The following CEP112 variants were observed in gnomAD, a reference collection of about 807,000 sequenced individuals.
CEP112 encodes the protein centrosomal protein 112.
In CEP112, 127 loss-of-function variants were observed where a neutral mutation model predicts 153.0. The observed-to-expected ratio is 0.83, with a 90% CI of 0.72 to 0.96. The LOEUF (loss-of-function observed/expected upper bound fraction) is 0.96, where lower values mean the gene tolerates loss of function less well. Among genes scored for constraint, CEP112 ranks in the 40% least tolerant of loss-of-function variants. The pLI is 0.00. For missense variants in CEP112, 1,089 were observed against 1,101.2 expected (o/e 0.99, Z 0.16); for synonymous variants, 358 against 374.4 (o/e 0.96, Z 0.51).
At chr17:66,098,968 A>G (rs2068454428) in intron 6 of CEP112, among the ~76,000 whole-genome samples, 1 of 152,192 alleles carries the variant, frequency 6.6e-6, no homozygotes, top group South Asian at 2.1e-4. Context: ...TGACCTGTCA[A>G]AGAAAAGTGG....
At chr17:65,637,274 T>A in intron 25 of CEP112, 86 bp from the exon 26 acceptor site, 1 of 892,928 alleles carries the variant, frequency 1.1e-6, no homozygotes, top group Non-Finnish European at 1.9e-6. Context: ...TTTATTTAAA[T>A]TCAGACAATT....
At chr17:65,910,337 A>G (rs115182143) in intron 19 of CEP112, among the ~76,000 whole-genome samples, 60 of 152,318 alleles carry the variant, frequency 3.9e-4, no homozygotes, top group Non-Finnish European at 6.2e-4. Context: ...TCCATTTAAC[A>G]GATTTGGACA....
At chr17:65,805,133 C>T (rs981430467) in intron 21 of CEP112, among the ~76,000 whole-genome samples, 4 of 152,070 alleles carry the variant, frequency 2.6e-5, no homozygotes, top group African/African-American at 7.2e-5. Context: ...CAGGCAGGAG[C>T]CACCATACCT....
intron 4 of CEP112, among the ~76,000 whole-genome samples, chr17:66,143,515 C>T (rs1350873808): frequency 6.6e-6 from 1 of 152,186 alleles, no homozygotes; most frequent in Non-Finnish European, 1.5e-5. Flanking sequence ...GGGTGTTGTA[C>T]TACAGTATCC....
intron 16 of CEP112, among the ~76,000 whole-genome samples, chr17:66,015,071 G>A (rs891524901): frequency 4.6e-5 from 7 of 152,276 alleles, no homozygotes; most frequent in Middle Eastern, 3.4e-3. Context: ...CACTAATGAT[G>A]CCATAAATAT....
intron 1 of CEP112, among the ~76,000 whole-genome samples, chr17:66,183,619 G>A (rs1365490547): frequency 6.6e-6 from 1 of 152,120 alleles, no homozygotes; most frequent in East Asian, 1.9e-4. Context: ...ATTGGTATTG[G>A]TGAAAGGATA....
intron 10 of CEP112, among the ~76,000 whole-genome samples, chr17:66,065,929 T>TA (rs971887891): frequency 1.6e-4 from 25 of 152,200 alleles, no homozygotes; most frequent in African/African-American, 6.0e-4. Flanking sequence ...GCGCCCGGCC[T>TA]AAAATCTATC....
chr17:65,781,409 G>A (rs2053988709), intron 21 of CEP112, among the ~76,000 whole-genome samples: 1 of 152,016 alleles, frequency 6.6e-6, no homozygotes, highest in Admixed American at 6.6e-5. Context: ...CATTAACATG[G>A]CCATACTGCC....
At chr17:66,027,025 T>C (rs1401337310) in intron 16 of CEP112, among the ~76,000 whole-genome samples, 3 of 152,202 alleles carry the variant, frequency 2.0e-5, no homozygotes, top group Non-Finnish European at 4.4e-5. Flanking sequence ...TTGTTTATTA[T>C]ATAAACAGGA....
chr17:65,638,808 A>G (rs962613610), intron 25 of CEP112, among the ~76,000 whole-genome samples: 1 of 152,176 alleles, frequency 6.6e-6, no homozygotes, highest in Non-Finnish European at 1.5e-5. Context: ...TTTCTGGGTC[A>G]GCATCCAGTT....
chr17:65,856,573 A>G (rs1386112213), intron 20 of CEP112, among the ~76,000 whole-genome samples: 1 of 152,216 alleles, frequency 6.6e-6, no homozygotes, highest in African/African-American at 2.4e-5. Flanking sequence ...ATAAGTCCAT[A>G]ATGTCTTTTT....
At chr17:65,839,149 C>T (rs1359218936) in intron 21 of CEP112, among the ~76,000 whole-genome samples, 2 of 152,006 alleles carry the variant, frequency 1.3e-5, no homozygotes, top group Non-Finnish European at 2.9e-5. Context: ...ACTTACTCTA[C>T]AAGACCAGCA....
rs549700105 is a variant in CEP112, at chr17:65,808,977, T to G, written c.2394+42827A>C. Reference sequence around the variant, plus strand: ...CCTCCTCTTTTTCTCTCTCACCATGTGCCTTCTGCCATGTTATGACACAGC... The same window carrying G: ...CCTCCTCTTTTTCTCTCTCACCATGGGCCTTCTGCCATGTTATGACACAGC... On this transcript the variant is annotated intron_variant, in intron 21 of 26. Transcript: ENST00000535342. Among the ~76,000 whole-genome samples, 347 of 152,334 alleles carry G rather than the reference T, an allele frequency of 2.3e-3. 1 individual carries two copies. The highest frequency in any genetic ancestry group is 8.1e-3 in the African/African-American group (338 of 41,576).
At chr17:66,099,504 CAAA>C (rs71160532) in intron 6 of CEP112, among the ~76,000 whole-genome samples, 1 of 113,964 alleles carries the variant, frequency 8.8e-6, no homozygotes, top group Non-Finnish European at 1.7e-5. Flanking sequence ...AACTCTGTCT[CAAA>C]AAAAAAAAAA....
intron 20 of CEP112, among the ~76,000 whole-genome samples, chr17:65,876,134 G>A (rs570461129): frequency 3.7e-4 from 57 of 152,238 alleles, no homozygotes; most frequent in African/African-American, 1.3e-3. Flanking sequence ...TCACTGCACA[G>A]CTATACTGTG....
At position 65,788,933 on chromosome 17, in the gene CEP112, C is replaced by CTA. The variant is rs1220407397; in HGVS notation, c.2395-38211_2395-38210dup. ...ACCTCTCTGACAATTGCTTATCGAT[C>CTA]TATAGCTGGTTTTAAATAATTGCCC... On this transcript the variant is annotated intron_variant, in intron 21 of 26. Transcript: ENST00000535342. 2.0e-5 allele frequency among the ~76,000 whole-genome samples: 3 copies of CTA among 152,194 alleles called. No individual in the cohort carries two copies. The East Asian group carries it at 5.8e-4, about 29-fold the overall frequency.
Position 66,188,604 on chromosome 17 carries a change from A to T in CEP112, c.-9+3393T>A, listed in dbSNP as rs543443251. On this transcript the variant is annotated intron_variant, in intron 1 of 26. Transcript: ENST00000535342. The stretch of plus-strand genomic sequence containing the variant: ...ATGCTGTTTTTTTTTTTTTTTACAC[A>T]TCTGTGTATTATTATGCATACATCT... 2.3e-4 allele frequency among the ~76,000 whole-genome samples: 34 copies of T among 147,764 alleles called. No individual in the cohort carries two copies. The South Asian group carries it at 6.0e-3, about 26-fold the overall frequency.
intron 6 of CEP112, among the ~76,000 whole-genome samples, chr17:66,127,186 T>G (rs2069888244): frequency 1.3e-5 from 2 of 152,188 alleles, no homozygotes; most frequent in African/African-American, 4.8e-5. Context: ...TATTTTAATT[T>G]TATTATACCA....
chr17:66,083,126 C>A (rs959217132), intron 8 of CEP112, among the ~76,000 whole-genome samples: 3 of 152,166 alleles, frequency 2.0e-5, no homozygotes, highest in African/African-American at 4.8e-5. Context: ...TAGCTACCAT[C>A]ATTCCAATGT....
Sources: gnomAD v4.1 joint callset for allele counts (sites outside exome capture counted in the v4.1 genomes callset) on GRCh38, gnomAD v4.1.1 for gene constraint, MANE v1.5 for transcripts, NCBI Gene and HGNC (gene_info 2026-07-23, HGNC 2026-07-21) for gene names.